Variants in AFF3 observed in about 807,000 individuals in gnomAD.
The protein encoded by AFF3 is AF4/FMR2 family member 3.
A neutral mutation model predicts 129.7 loss-of-function variants in AFF3; 32 were observed. The observed-to-expected ratio is 0.25, with a 90% CI of 0.19 to 0.33. AFF3 has a LOEUF of 0.33. Among genes scored for constraint, AFF3 ranks in the 10% least tolerant of loss-of-function variants. AFF3 has a pLI of 1.00. For synonymous variants in AFF3, 644 were observed against 635.4 expected (o/e 1.01, Z -0.20); for missense variants, 1,373 against 1,592.0 (o/e 0.86, Z 2.34).
At chr2:99,898,018 C>G (rs957891755) in intron 7 of AFF3, among the ~76,000 whole-genome samples, 1 of 152,182 alleles carries the variant, frequency 6.6e-6, no homozygotes, top group Non-Finnish European at 1.5e-5. Context: ...ATCTGATAAG[C>G]TGGGTTGACA....
At chr2:100,066,408 C>A (rs1687719897) in intron 4 of AFF3, among the ~76,000 whole-genome samples, 1 of 152,164 alleles carries the variant, frequency 6.6e-6, no homozygotes, top group Non-Finnish European at 1.5e-5. Context: ...GGGAACTGAG[C>A]TGAGCTTGGT....
chr2:100,057,482 A>C (rs1686897046), intron 4 of AFF3, among the ~76,000 whole-genome samples: 1 of 152,176 alleles, frequency 6.6e-6, no homozygotes, highest in African/African-American at 2.4e-5. Flanking sequence ...TGCATGATTA[A>C]AGCACATAGC....
At chr2:99,862,001 C>A (rs1691034448) in intron 7 of AFF3, among the ~76,000 whole-genome samples, 1 of 152,144 alleles carries the variant, frequency 6.6e-6, no homozygotes. Context: ...AACCAGGGAA[C>A]TGCTGCAGAT....
intron 2 of AFF3, among the ~76,000 whole-genome samples, chr2:100,127,630 A>G (rs1056493720): frequency 6.6e-6 from 1 of 152,200 alleles, no homozygotes; most frequent in African/African-American, 2.4e-5. Flanking sequence ...AGAGTAGCCC[A>G]AGGAAGTCCC....
intron 1 of AFF3, among the ~76,000 whole-genome samples, chr2:100,142,113 G>T (rs530857868): frequency 6.6e-6 from 1 of 151,942 alleles, no homozygotes; most frequent in Non-Finnish European, 1.5e-5. Flanking sequence ...GCAACATGAG[G>T]TTAAGACACA....
At chr2:99,841,269 G>GAGAA (rs1689298083) in intron 7 of AFF3, among the ~76,000 whole-genome samples, 1 of 152,200 alleles carries the variant, frequency 6.6e-6, no homozygotes, top group African/African-American at 2.4e-5. Context: ...TGCGCTGAGA[G>GAGAA]AGAAATGCAG....
intron 10 of AFF3, among the ~76,000 whole-genome samples, chr2:99,736,451 TA>T (rs1263480448): frequency 4.6e-5 from 7 of 152,186 alleles, no homozygotes; most frequent in African/African-American, 1.7e-4. Context: ...TTGGCTGGCA[TA>T]TATTTTCCTA....
intron 4 of AFF3, among the ~76,000 whole-genome samples, chr2:100,056,037 C>CA (rs909404430): frequency 6.7e-4 from 73 of 108,224 alleles, no homozygotes; most frequent in Middle Eastern, 5.1e-3. Context: ...TCACTTAGAA[C>CA]AAAAAAAAAA....
intron 16 of AFF3, among the ~76,000 whole-genome samples, chr2:99,586,724 C>T (rs1484871379): frequency 6.6e-6 from 1 of 152,158 alleles, no homozygotes; most frequent in African/African-American, 2.4e-5. Flanking sequence ...TCTAAGGCCA[C>T]AATTTTAGTC....
At chr2:100,004,409 G>A (rs772478400) in intron 7 of AFF3, among the ~76,000 whole-genome samples, 6 of 152,120 alleles carry the variant, frequency 3.9e-5, no homozygotes, top group Non-Finnish European at 7.4e-5. Flanking sequence ...AAATCTGGTT[G>A]ATAAAATTCT....
At chr2:99,572,290 A>ACCCCCCCC (rs1466407708) in intron 18 of AFF3, among the ~76,000 whole-genome samples, 1 of 45,414 alleles carries the variant, frequency 2.2e-5, no homozygotes, top group Admixed American at 3.0e-4. Context: ...TCCCCCTCCC[A>ACCCCCCCC]CCACCCCCCC....
chr2:99,867,003 A>AAT (rs1558928973), intron 7 of AFF3, among the ~76,000 whole-genome samples: 10,206 of 98,812 alleles, frequency 0.1, 590 homozygotes, highest in African/African-American at 0.16. Flanking sequence ...ATAATAATAA[A>AAT]AAATAAATAA....
intron 4 of AFF3, among the ~76,000 whole-genome samples, chr2:100,083,326 C>A (rs1432376770): frequency 6.6e-6 from 1 of 152,184 alleles, no homozygotes; most frequent in Non-Finnish European, 1.5e-5. Flanking sequence ...AAATGACAGA[C>A]AAGAGAACGC....
chr2:99,587,015 G>A, intron 16 of AFF3, 139 bp downstream of exon 16: 1 of 1,092,980 alleles, frequency 9.1e-7, no homozygotes, highest in Non-Finnish European at 1.3e-6. Flanking sequence ...AATAAGATTT[G>A]GGTTAAAGGA....
Position 99,672,074 on chromosome 2 carries a change from T to C in AFF3, c.1143+464A>G, listed in dbSNP as rs567576196. Reference sequence around the variant, plus strand: ...TACATTTGCTCCTTCTCAATGTTAATAATATCTGTGTAAGACTTCTCAATA... The same window carrying C: ...TACATTTGCTCCTTCTCAATGTTAACAATATCTGTGTAAGACTTCTCAATA... On this transcript the variant is annotated intron_variant, in intron 12 of 24. Coordinates refer to ENST00000672756, the MANE Select transcript of AFF3 (RefSeq NM_001386135.1). Among the ~76,000 whole-genome samples, 8 of 152,226 alleles carry C rather than the reference T, an allele frequency of 5.3e-5. No homozygotes were observed. In the South Asian group the frequency reaches 1.2e-3, roughly 24 times the overall value.
At chr2:100,014,240 T>TA (rs1183634375) in intron 4 of AFF3, among the ~76,000 whole-genome samples, 7 of 152,082 alleles carry the variant, frequency 4.6e-5, no homozygotes, top group Non-Finnish European at 4.4e-5. Context: ...TTCTTATTTT[T>TA]AAAAAACTAT....
Position 99,792,264 on chromosome 2 carries a change from A to T in AFF3, c.922-39963T>A, listed in dbSNP as rs553226881. Reference sequence around the variant, plus strand: ...TGAGGCTAGAGGATCACTCGAAGCCAGGAGTTCAAGACCAGCCTGGGTAAG... The same window carrying T: ...TGAGGCTAGAGGATCACTCGAAGCCTGGAGTTCAAGACCAGCCTGGGTAAG... On this transcript the variant is annotated intron_variant, in intron 8 of 24. Coordinates refer to ENST00000672756, the MANE Select transcript of AFF3 (RefSeq NM_001386135.1). Among the ~76,000 whole-genome samples, 5 of 152,292 alleles carry T rather than the reference A, an allele frequency of 3.3e-5. No individual in the cohort carries two copies. In the South Asian group the frequency reaches 1.0e-3, roughly 32 times the overall value.
chr2:99,849,699 A>T (rs1024711828), intron 7 of AFF3, among the ~76,000 whole-genome samples: 3 of 152,236 alleles, frequency 2.0e-5, no homozygotes, highest in African/African-American at 7.2e-5. Context: ...GAAAGCAATG[A>T]TTACTAGGAG....
rs1030734781 is a variant in AFF3, at chr2:99,550,736, C to T, written c.*738G>A. ...GCCGCGTTTTTGCTAAATCTCAGTG[C>T]CATTTGCATACTACTTGGAGGTGGG... is the stretch of plus-strand genomic sequence containing the variant. On this transcript the variant is annotated 3_prime_UTR_variant, in exon 25 of 25. Coordinates refer to ENST00000672756, the MANE Select transcript of AFF3 (RefSeq NM_001386135.1). 2.1e-5 allele frequency: 5 copies of T among 232,962 alleles called. No homozygotes were observed. The highest frequency in any genetic ancestry group is 4.2e-5 in the Non-Finnish European group (5 of 118,020). 14.4% of individuals were successfully genotyped at this position (232,962 alleles called of 1,614,324 possible).
Sources: gnomAD v4.1 joint callset for allele counts (sites outside exome capture counted in the v4.1 genomes callset) on GRCh38, gnomAD v4.1.1 for gene constraint, MANE v1.5 for transcripts, NCBI Gene and HGNC (gene_info 2026-07-23, HGNC 2026-07-21) for gene names.